TNFSF4: variants seen among roughly 807,000 people sequenced by gnomAD.
TNFSF4 encodes the protein tumor necrosis factor ligand superfamily member 4.
TNFSF4 carries 4 observed loss-of-function variants against 7.3 expected under a neutral mutation model. The ratio of observed to expected loss-of-function variants is 0.55; its 90% confidence interval spans 0.27 to 1.25. The LOEUF (loss-of-function observed/expected upper bound fraction) is 1.25, where lower values mean the gene tolerates loss of function less well. Among genes scored for constraint, TNFSF4 ranks in the 50% most tolerant of loss-of-function variants. TNFSF4 has a pLI of 0.12. For missense variants in TNFSF4, 181 were observed against 208.8 expected (o/e 0.87, Z 0.82); for synonymous variants, 76 against 83.7 (o/e 0.91, Z 0.50).
the TNFSF4 span, among the ~76,000 whole-genome samples, chr1:173,325,390 T>G: frequency 6.6e-6 from 1 of 151,910 alleles, no homozygotes; most frequent in Non-Finnish European, 1.5e-5. Context: ...TTTATAGCAC[T>G]AAATGGCCCA....
the TNFSF4 span, among the ~76,000 whole-genome samples, chr1:173,378,783 A>C: frequency 6.6e-6 from 1 of 151,844 alleles, no homozygotes; most frequent in African/African-American, 2.4e-5. Flanking sequence ...GCCTCCCTAT[A>C]GCTCCCCTTC....
At chr1:173,281,831 G>A in the TNFSF4 span, among the ~76,000 whole-genome samples, 1 of 152,032 alleles carries the variant, frequency 6.6e-6, no homozygotes, top group Non-Finnish European at 1.5e-5. Flanking sequence ...ATCCTATGAG[G>A]GACATATTAA....
the TNFSF4 span, among the ~76,000 whole-genome samples, chr1:173,281,967 C>A: frequency 6.6e-6 from 1 of 152,144 alleles, no homozygotes; most frequent in Admixed American, 6.6e-5. Flanking sequence ...AACCTCCACA[C>A]AATCTTCTTA....
At chr1:173,201,347 T>C (rs924590175) in intron 1 of TNFSF4, among the ~76,000 whole-genome samples, 13 of 152,198 alleles carry the variant, frequency 8.5e-5, no homozygotes, top group East Asian at 5.8e-4. Context: ...AAAAATTACA[T>C]TGGGGAAATC....
the TNFSF4 span, among the ~76,000 whole-genome samples, chr1:173,448,529 TA>T: frequency 7.9e-5 from 12 of 152,086 alleles, no homozygotes; most frequent in East Asian, 1.5e-3. Context: ...AGAAGGGAGA[TA>T]GGGGTGGGGC....
the TNFSF4 span, among the ~76,000 whole-genome samples, chr1:173,308,989 G>T: frequency 0.049 from 7,445 of 151,926 alleles, 587 homozygotes; most frequent in African/African-American, 0.17. Flanking sequence ...GTCCACTTAG[G>T]TTCAAGAAGA....
At chr1:173,430,349 T>C in the TNFSF4 span, among the ~76,000 whole-genome samples, 5 of 152,266 alleles carry the variant, frequency 3.3e-5, no homozygotes, top group East Asian at 9.6e-4. Flanking sequence ...TACACTTGCA[T>C]GTTTAATGTA....
chr1:173,250,756 G>A, the TNFSF4 span, among the ~76,000 whole-genome samples: 1 of 152,176 alleles, frequency 6.6e-6, no homozygotes, highest in African/African-American at 2.4e-5. Context: ...ACCGCGCCCG[G>A]CCTCTCCAGT....
chr1:173,432,230 C>T, the TNFSF4 span, among the ~76,000 whole-genome samples: 1 of 152,166 alleles, frequency 6.6e-6, no homozygotes, highest in Non-Finnish European at 1.5e-5. Context: ...CACAGCCACC[C>T]GAGTCCAAAA....
the TNFSF4 span, among the ~76,000 whole-genome samples, chr1:173,224,074 A>G: frequency 2.0e-5 from 3 of 152,224 alleles, no homozygotes; most frequent in Non-Finnish European, 4.4e-5. Context: ...ACTAGAGAGT[A>G]AAAGGCCCTA....
the TNFSF4 span, among the ~76,000 whole-genome samples, chr1:173,322,875 AC>A: frequency 6.6e-6 from 1 of 152,186 alleles, no homozygotes; most frequent in Non-Finnish European, 1.5e-5. Flanking sequence ...GAGTAGGTAA[AC>A]AAAGCGGCAG....
chr1:173,371,310 T>G, the TNFSF4 span, among the ~76,000 whole-genome samples: 2 of 152,218 alleles, frequency 1.3e-5, no homozygotes, highest in African/African-American at 2.4e-5. Context: ...ATGCCTTTCT[T>G]GTTATGCCTG....
At chr1:173,373,232 G>A in the TNFSF4 span, among the ~76,000 whole-genome samples, 3 of 152,148 alleles carry the variant, frequency 2.0e-5, no homozygotes, top group Non-Finnish European at 4.4e-5. Context: ...CCAAGGAGGT[G>A]GCAGTCTTAC....
At chr1:173,416,608 T>TTATTTATTTATTTA in the TNFSF4 span, among the ~76,000 whole-genome samples, 2 of 121,942 alleles carry the variant, frequency 1.6e-5, no homozygotes, top group South Asian at 3.0e-4. Flanking sequence ...ATTTTTTTAT[T>TTATTTATTTATTTA]TTTATTTATT....
the TNFSF4 span, among the ~76,000 whole-genome samples, chr1:173,267,445 C>G: frequency 6.6e-6 from 1 of 152,148 alleles, no homozygotes; most frequent in East Asian, 1.9e-4. Context: ...GTAGGTCTAT[C>G]CAATCATAAA....
the TNFSF4 span, among the ~76,000 whole-genome samples, chr1:173,226,915 A>G: frequency 6.6e-6 from 1 of 152,254 alleles, no homozygotes; most frequent in Non-Finnish European, 1.5e-5. Flanking sequence ...ATGGATATAG[A>G]GAAAAGGGGA....
At chr1:173,350,112 T>G in the TNFSF4 span, among the ~76,000 whole-genome samples, 2 of 152,082 alleles carry the variant, frequency 1.3e-5, no homozygotes, top group South Asian at 4.1e-4. Flanking sequence ...ATGTAGCTCC[T>G]CTCTTAATTA....
At chr1:173,441,587 G>A in the TNFSF4 span, among the ~76,000 whole-genome samples, 3 of 152,104 alleles carry the variant, frequency 2.0e-5, no homozygotes, top group East Asian at 5.8e-4. Flanking sequence ...TTGAGCCACT[G>A]CACTCCAGCC....
At chr1:173,191,004 GA>G (rs1241293146) in intron 1 of TNFSF4, among the ~76,000 whole-genome samples, 1 of 152,096 alleles carries the variant, frequency 6.6e-6, no homozygotes, top group African/African-American at 2.4e-5. Flanking sequence ...TAATAAAAGA[GA>G]AAAAAACATA....
Sources: allele counts gnomAD v4.1 joint callset (sites outside exome capture counted in the v4.1 genomes callset), GRCh38; gene constraint gnomAD v4.1.1; transcripts MANE v1.5; gene names NCBI Gene and HGNC (gene_info 2026-07-23, HGNC 2026-07-21).